RAB8B: variants seen among roughly 807,000 people sequenced by gnomAD.
The protein encoded by RAB8B is ras-related protein Rab-8B.
A neutral mutation model predicts 32.0 loss-of-function variants in RAB8B; 11 were observed. That is an observed-to-expected ratio of 0.34 (90% CI 0.22 to 0.57). RAB8B has a LOEUF of 0.57. Ranked by LOEUF, RAB8B falls within the 20% of genes least tolerant of loss-of-function variation. RAB8B has a pLI of 0.86. For missense variants in RAB8B, 190 were observed against 258.5 expected (o/e 0.73, Z 1.82); for synonymous variants, 103 against 89.6 (o/e 1.15, Z -0.85).
intron 1 of RAB8B, among the ~76,000 whole-genome samples, chr15:63,234,932 C>A (rs1227964120): frequency 1.3e-5 from 2 of 152,150 alleles, no homozygotes; most frequent in Non-Finnish European, 2.9e-5. Context: ...GTCAAAACTC[C>A]TTTTCCTCGA....
intron 1 of RAB8B, among the ~76,000 whole-genome samples, chr15:63,190,854 C>G (rs975273468): frequency 6.6e-6 from 1 of 152,184 alleles, no homozygotes; most frequent in Non-Finnish European, 1.5e-5. Flanking sequence ...TGCTTTGGTT[C>G]TAATTATTGT....
At chr15:63,261,582 C>T (rs140771748) in intron 6 of RAB8B, among the ~76,000 whole-genome samples, 49 of 152,232 alleles carry the variant, frequency 3.2e-4, no homozygotes, top group Admixed American at 7.2e-4. Flanking sequence ...CTGGGAGTTG[C>T]CTGAGCTGCT....
chr15:63,256,641 G>A, intron 5 of RAB8B, 47 bp downstream of exon 5: 1 of 1,328,528 alleles, frequency 7.5e-7, no homozygotes, highest in Non-Finnish European at 1.0e-6. Flanking sequence ...CTCACATTAA[G>A]CATTTCTTTT....
At chr15:63,241,588 C>T (rs929126418) in intron 1 of RAB8B, among the ~76,000 whole-genome samples, 3 of 152,176 alleles carry the variant, frequency 2.0e-5, no homozygotes, top group African/African-American at 7.2e-5. Context: ...ATCTGACACT[C>T]CATACCTATT....
At chr15:63,189,906 G>GGGCGAGGGCGTGAGGGAGAGA (rs2037539897) in intron 1 of RAB8B, among the ~76,000 whole-genome samples, 158 bp downstream of exon 1, 2 of 151,470 alleles carry the variant, frequency 1.3e-5, no homozygotes, top group South Asian at 2.1e-4. Flanking sequence ...TGAGGGAGAG[G>GGGCGAGGGCGTGAGGGAGAGA]GGCGAGGGCG....
intron 1 of RAB8B, among the ~76,000 whole-genome samples, chr15:63,235,509 A>T (rs922521947): frequency 7.2e-5 from 11 of 151,968 alleles, no homozygotes; most frequent in Non-Finnish European, 1.6e-4. Flanking sequence ...TGTACCCACC[A>T]CTCAATTTTA....
intron 1 of RAB8B, among the ~76,000 whole-genome samples, chr15:63,216,950 A>C (rs1054969765): frequency 4.6e-5 from 7 of 152,020 alleles, no homozygotes; most frequent in Admixed American, 1.3e-4. Flanking sequence ...TGTTGCTAAC[A>C]CACTGGGGGA....
At chr15:63,239,945 G>A (rs1214524266) in intron 1 of RAB8B, among the ~76,000 whole-genome samples, 1 of 152,108 alleles carries the variant, frequency 6.6e-6, no homozygotes, top group Non-Finnish European at 1.5e-5. Flanking sequence ...TTGAGGCAGA[G>A]CTGAGGAGAG....
intron 2 of RAB8B, among the ~76,000 whole-genome samples, chr15:63,247,392 C>G (rs941954105): frequency 2.0e-5 from 3 of 152,266 alleles, no homozygotes; most frequent in Non-Finnish European, 4.4e-5. Context: ...GATTACCCAA[C>G]TCTGGTTCAT....
chr15:63,216,227 A>ATT, intron 1 of RAB8B, among the ~76,000 whole-genome samples: 1 of 104,680 alleles, frequency 9.6e-6, no homozygotes. Context: ...TTAATTAATT[A>ATT]ATTATTATTT....
At chr15:63,196,606 T>C (rs2037602089) in intron 1 of RAB8B, among the ~76,000 whole-genome samples, 1 of 152,190 alleles carries the variant, frequency 6.6e-6, no homozygotes, top group African/African-American at 2.4e-5. Context: ...TGTCTGCACA[T>C]TGGATGAATG....
intron 1 of RAB8B, among the ~76,000 whole-genome samples, chr15:63,213,513 C>T (rs998500315): frequency 7.9e-5 from 12 of 152,048 alleles, no homozygotes; most frequent in Admixed American, 6.5e-4. Context: ...ATTCAGTAGG[C>T]TGTGCATTTA....
At chr15:63,208,672 C>G (rs1385905861) in intron 1 of RAB8B, among the ~76,000 whole-genome samples, 2 of 152,124 alleles carry the variant, frequency 1.3e-5, no homozygotes, top group Non-Finnish European at 2.9e-5. Flanking sequence ...TCATTTCGGC[C>G]TGTTGACATC....
At chr15:63,206,825 A>T (rs529028997) in intron 1 of RAB8B, among the ~76,000 whole-genome samples, 1 of 151,216 alleles carries the variant, frequency 6.6e-6, no homozygotes, top group East Asian at 2.0e-4. Flanking sequence ...CCATCTCCTC[A>T]CTCATTAACC....
Position 63,256,510 on chromosome 15 carries a change from C to T in RAB8B, c.330C>T (p.Ala110=). ...KNWIRNIEEH[A]SSDVERMILG... ...ATGCTATTTTCTCCCTGCAGCATGC[C>T]TCTTCCGATGTCGAAAGAATGATCC... Residue 110 remains alanine (A), a synonymous_variant, in exon 5 of 8, where the codon GCC becomes GCT. Transcript: ENST00000321437. 2 of 1,598,596 alleles carry T rather than the reference C, an allele frequency of 1.3e-6. No homozygotes were observed. Among genetic ancestry groups the T allele is most frequent in the Non-Finnish European group, 1.7e-6 (2 of 1,175,192 alleles).
chr15:63,254,687 C>T (rs189094914), intron 3 of RAB8B, among the ~76,000 whole-genome samples: 8 of 152,088 alleles, frequency 5.3e-5, no homozygotes, highest in South Asian at 2.1e-4. Context: ...CCAAGTCGGG[C>T]GGATCACGAG....
chr15:63,236,297 T>C (rs928948985), intron 1 of RAB8B, among the ~76,000 whole-genome samples: 3 of 152,200 alleles, frequency 2.0e-5, no homozygotes, highest in Non-Finnish European at 4.4e-5. Context: ...CCCTTGGGAA[T>C]GTTTTCTTAC....
chr15:63,228,983 T>C (rs1297889536), intron 1 of RAB8B, among the ~76,000 whole-genome samples: 1 of 152,282 alleles, frequency 6.6e-6, no homozygotes, highest in Non-Finnish European at 1.5e-5. Context: ...GTTTTACATG[T>C]TGCTTTCCAT....
intron 3 of RAB8B, among the ~76,000 whole-genome samples, chr15:63,250,142 C>G (rs1567020006): frequency 6.6e-6 from 1 of 150,420 alleles, no homozygotes; most frequent in African/African-American, 2.4e-5. Flanking sequence ...GACTCCGTCT[C>G]AAAAAAAAAG....
Sources: gnomAD v4.1 joint callset for allele counts (sites outside exome capture counted in the v4.1 genomes callset) on GRCh38, gnomAD v4.1.1 for gene constraint, MANE v1.5 for transcripts, NCBI Gene and HGNC (gene_info 2026-07-23, HGNC 2026-07-21) for gene names.